The following HSF2 variants were observed in gnomAD, a reference collection of about 807,000 sequenced individuals.
The protein encoded by HSF2 is heat shock transcription factor 2.
In HSF2, 21 loss-of-function variants were observed where a neutral mutation model predicts 65.0. That is an observed-to-expected ratio of 0.32 (90% CI 0.23 to 0.47). The LOEUF (loss-of-function observed/expected upper bound fraction) is 0.47, where lower values mean the gene tolerates loss of function less well. Ranked by LOEUF, HSF2 falls within the 20% of genes least tolerant of loss-of-function variation. HSF2 has a pLI of 1.00. For synonymous variants in HSF2, 225 were observed against 219.1 expected, an observed-to-expected ratio of 1.03 and a Z score of -0.24; for missense variants, 499 against 628.1, an observed-to-expected ratio of 0.79 and a Z score of 2.20.
chr6:122,412,099 A>C (rs1774010858), intron 1 of HSF2, among the ~76,000 whole-genome samples: 1 of 151,848 alleles, frequency 6.6e-6, no homozygotes, highest in South Asian at 2.1e-4. Context: ...TGCTGGTTTA[A>C]TGGAAGTTCT....
rs369855939 is a variant in HSF2 at position 122,399,686 on chromosome 6, C to T, written c.-52C>T. 30 of 1,279,250 alleles carry T rather than the reference C, an allele frequency of 2.3e-5. No homozygotes were observed. The African/African-American group carries it at 3.0e-4, about 13-fold the overall frequency. The allele number at this position is 1,279,250 out of a possible 1,614,324, so 79.2% of individuals were successfully genotyped here. ...GAGCTGCTGCCGTAGCTGCCGCCGC[C>T]GCTACCACCGCGTTCGGGTGTAGAA... On this transcript the variant is annotated 5_prime_UTR_variant, in exon 1 of 13. Coordinates refer to ENST00000368455, the MANE Select transcript of HSF2 (RefSeq NM_004506.4).
At chr6:122,415,066 G>A (rs776413328) in intron 4 of HSF2, among the ~76,000 whole-genome samples, 102 of 152,298 alleles carry the variant, frequency 6.7e-4, no homozygotes, top group Middle Eastern at 3.4e-3. Context: ...GATTAAAGAA[G>A]ATGACTTGTG....
intron 1 of HSF2, among the ~76,000 whole-genome samples, chr6:122,408,386 A>T (rs76414047): frequency 0.013 from 1,937 of 151,540 alleles, 47 homozygotes; most frequent in African/African-American, 0.045. Flanking sequence ...TCAAAACTAT[A>T]TAAATCAGAT....
At chr6:122,404,134 GCTT>G (rs767256356) in intron 1 of HSF2, among the ~76,000 whole-genome samples, 14 of 152,130 alleles carry the variant, frequency 9.2e-5, no homozygotes, top group Non-Finnish European at 1.8e-4. Context: ...GGCATTCTCT[GCTT>G]CTCTATCCCC....
intron 1 of HSF2, among the ~76,000 whole-genome samples, chr6:122,405,507 A>C (rs1773850877): frequency 6.6e-6 from 1 of 152,176 alleles, no homozygotes; most frequent in Non-Finnish European, 1.5e-5. Context: ...GCTGAGATAG[A>C]GTGCCCAAGT....
chr6:122,402,729 T>C (rs897189675), intron 1 of HSF2, among the ~76,000 whole-genome samples: 2 of 152,100 alleles, frequency 1.3e-5, no homozygotes, highest in Non-Finnish European at 1.5e-5. Context: ...ATTTTTGTAT[T>C]TTTAGTAGAG....
intron 6 of HSF2, among the ~76,000 whole-genome samples, chr6:122,419,908 A>T (rs1333897288): frequency 6.6e-6 from 1 of 152,308 alleles, no homozygotes; most frequent in African/African-American, 2.4e-5. Flanking sequence ...ATAGCTTATT[A>T]TAACAAAAAG....
At position 122,399,826 on chromosome 6, in the gene HSF2, G is replaced by A. The variant is rs891061356; in HGVS notation, c.89G>A (p.Ser30Asn). 7 of 1,610,582 alleles carry A rather than the reference G, an allele frequency of 4.3e-6. No individual in the cohort carries two copies. The highest frequency in any genetic ancestry group is 4.0e-5 in the African/African-American group (3 of 74,630). Residue 30 changes from serine to asparagine, a missense_variant, in exon 1 of 13, where the codon AGC becomes AAC. Around this residue, in one of 2 missense-constraint regions of HSF2, gnomAD observed 150 missense variants for 234.6 expected, o/e 0.64. Coordinates refer to ENST00000368455, the MANE Select transcript of HSF2 (RefSeq NM_004506.4). ...CACACTAACGAGTTCATCACCTGGAGCCAGGTACGGTCAGGCCACGGCGGC... is the reference window on the plus strand; with the variant it reads ...CACACTAACGAGTTCATCACCTGGAACCAGGTACGGTCAGGCCACGGCGGC... Reference protein sequence around the residue: ...ETHTNEFITWSQNGQSFLVLD... With the variant: ...ETHTNEFITWNQNGQSFLVLD...
intron 1 of HSF2, among the ~76,000 whole-genome samples, chr6:122,409,721 G>A (rs1773946974): frequency 6.6e-6 from 1 of 151,944 alleles, no homozygotes; most frequent in African/African-American, 2.4e-5. Context: ...TCAAAATTGT[G>A]TTTCTGTTAG....
At chr6:122,408,071 C>A (rs1004476724) in intron 1 of HSF2, among the ~76,000 whole-genome samples, 3 of 152,074 alleles carry the variant, frequency 2.0e-5, no homozygotes, top group African/African-American at 7.2e-5. Context: ...AACCTAATTA[C>A]CTCCCAAAGG....
chr6:122,427,430 G>A (rs944641549), intron 10 of HSF2, among the ~76,000 whole-genome samples: 3 of 152,034 alleles, frequency 2.0e-5, no homozygotes, highest in African/African-American at 7.2e-5. Flanking sequence ...TATGCCATCT[G>A]TCAGAGGGCT....
In HSF2 at chr6:122,422,851, C is replaced by T. The variant is rs1199539663; in HGVS notation, c.964C>T (p.Leu322Phe). Residue 322 changes from leucine to phenylalanine, a missense_variant, in exon 9 of 13, where the codon CTC becomes TTC. Coordinates refer to ENST00000368455, the MANE Select transcript of HSF2 (RefSeq NM_004506.4). ...LSSGSDGSSP[L>F]MSSAVQLNGS... ...TTCAGGCAGTGATGGCAGCAGCCCT[C>T]TCATGTCTAGTGCTGTCCAGCTAAA... 6 of 1,613,606 alleles carry T rather than the reference C, an allele frequency of 3.7e-6. No homozygotes were observed. Among genetic ancestry groups the T allele is most frequent in the African/African-American group, 1.3e-5 (1 of 74,888 alleles).
chr6:122,401,859 A>G (rs1773741465), intron 1 of HSF2, among the ~76,000 whole-genome samples: 1 of 152,204 alleles, frequency 6.6e-6, no homozygotes. Context: ...TTATCATTGT[A>G]TAGATGAGGA....
intron 1 of HSF2, among the ~76,000 whole-genome samples, chr6:122,405,369 A>G (rs45471593): frequency 0.09 from 13,633 of 152,242 alleles, 751 homozygotes; most frequent in South Asian, 0.14. Flanking sequence ...TTAAGATGCA[A>G]TCATAAGTCA....
At chr6:122,415,172 AAAG>A (rs1223330036) in intron 4 of HSF2, among the ~76,000 whole-genome samples, 3 of 152,362 alleles carry the variant, frequency 2.0e-5, no homozygotes, top group Non-Finnish European at 2.9e-5. Flanking sequence ...TTCAATTAAA[AAAG>A]GTGAACGAAG....
intron 8 of HSF2, among the ~76,000 whole-genome samples, 170 bp from the exon 9 acceptor site, chr6:122,422,548 A>G (rs2243362): frequency 0.14 from 21,515 of 152,104 alleles, 1,618 homozygotes; most frequent in East Asian, 0.26. Context: ...TTCAATCTTT[A>G]TGGTCTTCTA....
intron 10 of HSF2, among the ~76,000 whole-genome samples, chr6:122,426,603 T>TTAG (rs1405644729): frequency 1.3e-5 from 2 of 151,940 alleles, no homozygotes; most frequent in African/African-American, 4.8e-5. Context: ...TTTTCTGAGG[T>TTAG]TAGTAGTTGG....
chr6:122,411,264 A>T (rs1343921646), intron 1 of HSF2, among the ~76,000 whole-genome samples: 4 of 151,748 alleles, frequency 2.6e-5, no homozygotes, highest in South Asian at 4.1e-4. Context: ...CTTTGAAGAA[A>T]TATCTACTCA....
chr6:122,428,624 T>A (rs992082623), intron 11 of HSF2, among the ~76,000 whole-genome samples: 1 of 152,070 alleles, frequency 6.6e-6, no homozygotes. Context: ...TTATCTTTTA[T>A]TTGTACCAAA....
Sources: allele counts gnomAD v4.1 joint callset (sites outside exome capture counted in the v4.1 genomes callset), GRCh38; gene constraint gnomAD v4.1.1; regional missense constraint gnomAD v4.1.1; transcripts MANE v1.5; gene names NCBI Gene and HGNC (gene_info 2026-07-23, HGNC 2026-07-21).